Variants in MACF1 observed in about 807,000 individuals in gnomAD.
MACF1 encodes microtubule actin crosslinking factor 1, also known as microtubule-actin cross-linking factor 1.
In MACF1, 193 loss-of-function variants were observed where a neutral mutation model predicts 854.8. That is an observed-to-expected ratio of 0.23 (90% CI 0.20 to 0.25). The LOEUF is 0.25. Among genes scored for constraint, MACF1 ranks in the 10% least tolerant of loss-of-function variants. The pLI is 1.00. For missense variants in MACF1, 7,722 were observed against 8,929.1 expected (o/e 0.86, Z 5.45); for synonymous variants, 3,185 against 3,226.7 (o/e 0.99, Z 0.44).
chr1:39,473,704 G>C (rs1644821506), intron 97 of MACF1, among the ~76,000 whole-genome samples: 1 of 15,978 alleles, frequency 6.3e-5, no homozygotes, highest in African/African-American at 1.4e-4. Context: ...ACTGTTGAGA[G>C]ACTTGTTTTC....
At chr1:39,225,033 A>G (rs1433951257) in intron 1 of MACF1, among the ~76,000 whole-genome samples, 1 of 151,990 alleles carries the variant, frequency 6.6e-6, no homozygotes, top group African/African-American at 2.4e-5. Context: ...AAAAGTTTAA[A>G]AATAGCCACA....
intron 22 of MACF1, among the ~76,000 whole-genome samples, chr1:39,301,169 C>T (rs1646032102): frequency 6.6e-6 from 1 of 152,136 alleles, no homozygotes; most frequent in Non-Finnish European, 1.5e-5. Context: ...CCCTGTCGCC[C>T]AGGCTGGAGT....
At chr1:39,337,511 C>T (rs1246231488) in intron 38 of MACF1, among the ~76,000 whole-genome samples, 180 bp downstream of exon 38, 1 of 150,274 alleles carries the variant, frequency 6.7e-6, no homozygotes, top group Non-Finnish European at 1.5e-5. Context: ...AAAATTTATA[C>T]AGGATAAACT....
At chr1:39,321,359 A>G (rs1295127648) in intron 31 of MACF1, among the ~76,000 whole-genome samples, 1 of 152,198 alleles carries the variant, frequency 6.6e-6, no homozygotes, top group Non-Finnish European at 1.5e-5. Context: ...CTTAAAGTGC[A>G]CTCAGTAAGT....
upstream of MACF1, among the ~76,000 whole-genome samples, chr1:39,202,986 G>C (rs1644410867): frequency 6.6e-6 from 1 of 151,942 alleles, no homozygotes. Context: ...TGGGTAGTAG[G>C]TTATGCACAT....
At chr1:39,176,122 A>AAAAAAAAAAAAAAAAAAAAAAAAAAAAC (rs1320325891) in intron 2 of MACF1, among the ~76,000 whole-genome samples, 1 of 129,646 alleles carries the variant, frequency 7.7e-6, no homozygotes, top group Admixed American at 8.4e-5. Flanking sequence ...AAAAAAAAAA[A>AAAAAAAAAAAAAAAAAAAAAAAAAAAAC]AAAAAGCCAG....
intron 1 of MACF1, among the ~76,000 whole-genome samples, chr1:39,212,474 A>G (rs1269107989): frequency 2.6e-5 from 4 of 152,162 alleles, no homozygotes; most frequent in Admixed American, 6.5e-5. Context: ...CAGGGAATTT[A>G]GGAGATGGCA....
intron 2 of MACF1, among the ~76,000 whole-genome samples, chr1:39,146,351 G>A (rs1347261525): frequency 2.6e-5 from 4 of 151,810 alleles, no homozygotes; most frequent in Non-Finnish European, 5.9e-5. Context: ...GCTGAGGCAG[G>A]AGAATTGCTT....
rs762386743 is a variant in MACF1 at position 39,434,509 on chromosome 1, C to G, written c.17661C>G (p.Asn5887Lys). 1 of 1,613,316 alleles carries G rather than the reference C, an allele frequency of 6.2e-7. No individual in the cohort carries two copies. Among genetic ancestry groups the G allele is most frequent in the Non-Finnish European group, 8.5e-7 (1 of 1,179,890 alleles). The change falls in exon 69 of 101, where the codon AAC (asparagine) becomes AAG (lysine). Residue 5887 changes from asparagine to lysine, a missense_variant. Physicochemically the swap from Asn to Lys is moderately conservative, Grantham distance 94. Transcript: ENST00000564288. The part of the protein sequence containing the change: ...ARLERAQVLV[N>K]QFWETYEELS... ...TAGAGCGGGCCCAGGTCTTAGTAAA[C>G]CAGTTTTGGGAAACTTATGAAGAGC... is the stretch of plus-strand genomic sequence containing the variant.
chr1:39,109,137 C>T (rs2148141283), intron 2 of MACF1, among the ~76,000 whole-genome samples: 1 of 152,218 alleles, frequency 6.6e-6, no homozygotes, highest in African/African-American at 2.4e-5. Context: ...TACTGTGTGA[C>T]CTTGGAAAAG....
intron 2 of MACF1, among the ~76,000 whole-genome samples, chr1:39,168,038 G>C (rs1363454382): frequency 1.3e-5 from 2 of 152,188 alleles, no homozygotes; most frequent in Non-Finnish European, 1.5e-5. Context: ...GACTGGTCAG[G>C]TGATGCACTT....
chr1:39,455,233 C>T (rs1644412675), intron 89 of MACF1, 136 bp downstream of exon 89: 1 of 797,964 alleles, frequency 1.3e-6, no homozygotes, highest in Non-Finnish European at 2.0e-6. Flanking sequence ...ACAACACATA[C>T]TTACTTACCT....
intron 67 of MACF1, 59 bp from the exon 68 acceptor site, chr1:39,432,989 C>A: frequency 1.8e-6 from 2 of 1,100,902 alleles, no homozygotes; most frequent in East Asian, 2.5e-5. Context: ...TTGTCTTAAC[C>A]TTTAGTAATA....
chr1:39,179,226 C>T (rs1644071855), intron 2 of MACF1, among the ~76,000 whole-genome samples: 1 of 152,176 alleles, frequency 6.6e-6, no homozygotes, highest in Non-Finnish European at 1.5e-5. Flanking sequence ...CATATTCCAC[C>T]CCTTCCTTTC....
intron 1 of MACF1, chr1:39,206,432 A>T (rs1016073700): frequency 1.3e-5 from 2 of 152,226 alleles, no homozygotes; most frequent in Admixed American, 6.5e-5. Context: ...TTCCTTGTGC[A>T]TTATGGTAAT....
chr1:39,453,877 G>T, intron 88 of MACF1, 27 bp downstream of exon 88: 1 of 1,612,974 alleles, frequency 6.2e-7, no homozygotes, highest in Non-Finnish European at 8.5e-7. Context: ...GAGGAGGACT[G>T]CACACGCCCA....
At chr1:39,362,879 C>T (rs773353572) in intron 49 of MACF1, among the ~76,000 whole-genome samples, 88 of 152,186 alleles carry the variant, frequency 5.8e-4, no homozygotes, top group Admixed American at 2.0e-3. Flanking sequence ...CTAGTCTCAA[C>T]GCAACACCAT....
chr1:39,193,243 A>T (rs1644278497), intron 2 of MACF1, among the ~76,000 whole-genome samples: 1 of 152,078 alleles, frequency 6.6e-6, no homozygotes, highest in Non-Finnish European at 1.5e-5. Flanking sequence ...GATGTTGGCT[A>T]CCAGAGTTTC....
rs189135215 is a variant in MACF1 at position 39,267,552 on chromosome 1, C to T, written c.528+9524C>T. Among the ~76,000 whole-genome samples, 502 of 152,148 alleles carry T rather than the reference C, an allele frequency of 3.3e-3. 6 individuals are homozygous for T. The highest frequency in any genetic ancestry group is 0.012 in the African/African-American group (478 of 41,494). ...CCTGGCCAAACCTCAGTTTCTTTAC[C>T]GATAAAATATAAAATAATAGTTTTG... is the stretch of plus-strand genomic sequence containing the variant. On this transcript the variant is annotated intron_variant, in intron 6 of 100. Coordinates refer to ENST00000564288, the MANE Select transcript of MACF1 (RefSeq NM_001394062.1).
Sources: allele counts gnomAD v4.1 joint callset (sites outside exome capture counted in the v4.1 genomes callset), GRCh38; gene constraint gnomAD v4.1.1; transcripts MANE v1.5; gene names NCBI Gene and HGNC (gene_info 2026-07-23, HGNC 2026-07-21).